Variants in CLYBL observed in about 807,000 individuals in gnomAD.
CLYBL encodes the protein citramalyl-CoA lyase.
A neutral mutation model predicts 38.9 loss-of-function variants in CLYBL; 31 were observed. The ratio of observed to expected loss-of-function variants is 0.80; its 90% CI spans 0.60 to 1.08. The LOEUF is 1.08. Among genes scored for constraint, CLYBL ranks in the 50% least tolerant of loss-of-function variants. The probability of loss-of-function intolerance (pLI) is 0.00; values close to 1 mark genes in which losing one functional copy is unlikely to be tolerated. For synonymous variants in CLYBL, 171 were observed against 158.6 expected, an observed-to-expected ratio of 1.08 and a Z score of -0.59; for missense variants, 434 against 411.6, an observed-to-expected ratio of 1.05 and a Z score of -0.47.
chr13:99,617,418 T>A (rs2046728229), intron 1 of CLYBL, among the ~76,000 whole-genome samples: 1 of 152,212 alleles, frequency 6.6e-6, no homozygotes, highest in Non-Finnish European at 1.5e-5. Context: ...AAGCATACAC[T>A]TGACTTGTCT....
At chr13:99,791,079 T>G (rs754101737) in intron 2 of CLYBL, among the ~76,000 whole-genome samples, 65 of 152,166 alleles carry the variant, frequency 4.3e-4, no homozygotes, top group Admixed American at 2.0e-4. Flanking sequence ...AAGTTAATAT[T>G]CTAGGATGTC....
intron 1 of CLYBL, among the ~76,000 whole-genome samples, chr13:99,679,815 C>T (rs1201445246): frequency 6.6e-6 from 1 of 151,822 alleles, no homozygotes; most frequent in Non-Finnish European, 1.5e-5. Context: ...TAGAAAATGC[C>T]ACAGCTGCCC....
chr13:99,803,861 T>C (rs1364696723), intron 2 of CLYBL, among the ~76,000 whole-genome samples: 1 of 152,072 alleles, frequency 6.6e-6, no homozygotes, highest in African/African-American at 2.4e-5. Context: ...AACAGTGGGG[T>C]TCGACTGCAG....
At chr13:99,612,712 A>G (rs1273977073) in intron 1 of CLYBL, among the ~76,000 whole-genome samples, 1 of 151,722 alleles carries the variant, frequency 6.6e-6, no homozygotes, top group African/African-American at 2.4e-5. Context: ...AAATATAAGC[A>G]CTCAGTAATT....
chr13:99,850,454 G>A (rs73559322), intron 2 of CLYBL, among the ~76,000 whole-genome samples: 1,749 of 152,278 alleles, frequency 0.011, 25 homozygotes, highest in Middle Eastern at 0.044. Context: ...AAAACCCATT[G>A]AGCATGCACA....
At chr13:99,654,518 C>A in intron 1 of CLYBL, among the ~76,000 whole-genome samples, 1 of 152,204 alleles carries the variant, frequency 6.6e-6, no homozygotes, top group Non-Finnish European at 1.5e-5. Flanking sequence ...TATGCTGCTT[C>A]CATTTCACCA....
chr13:99,794,733 A>C (rs1228438783), intron 2 of CLYBL, among the ~76,000 whole-genome samples: 6 of 151,890 alleles, frequency 4.0e-5, no homozygotes, highest in Non-Finnish European at 5.9e-5. Context: ...TTGGGATTAC[A>C]GGCATGTGCC....
chr13:99,884,561 C>T (rs948422765), intron 7 of CLYBL, among the ~76,000 whole-genome samples: 2 of 152,196 alleles, frequency 1.3e-5, no homozygotes, highest in African/African-American at 2.4e-5. Flanking sequence ...CGTTCTAGTT[C>T]TTAAGTAATA....
At chr13:99,774,067 C>CAAAA (rs11453486) in intron 2 of CLYBL, among the ~76,000 whole-genome samples, 52 of 143,330 alleles carry the variant, frequency 3.6e-4, no homozygotes, top group Non-Finnish European at 6.2e-4. Context: ...CCATTTCTAC[C>CAAAA]AAAAAAAAAA....
intron 2 of CLYBL, among the ~76,000 whole-genome samples, chr13:99,842,307 A>G (rs1031817665): frequency 1.3e-5 from 2 of 152,044 alleles, no homozygotes; most frequent in African/African-American, 4.8e-5. Flanking sequence ...AGGGATAGAG[A>G]GGGCACCTCT....
Position 99,663,252 on chromosome 13 carries a change from G to T in CLYBL, c.62+56495G>T, listed in dbSNP as rs533150613. Among the ~76,000 whole-genome samples, 7 of 152,316 alleles carry T rather than the reference G, an allele frequency of 4.6e-5. No homozygotes were observed. In the East Asian group the frequency reaches 1.4e-3, roughly 29 times the overall value. On this transcript the variant is annotated intron_variant, in intron 1 of 8. Transcript: ENST00000339105. Reference sequence around the variant, plus strand: ...ACAGTGTCTGAAACTGGAGCAAACAGGGCGCCGTTTGATACTAGCCCCATG... The same window carrying T: ...ACAGTGTCTGAAACTGGAGCAAACATGGCGCCGTTTGATACTAGCCCCATG...
chr13:99,662,510 CTTTTTTTTT>C (rs34634591), intron 1 of CLYBL, among the ~76,000 whole-genome samples: 1 of 122,380 alleles, frequency 8.2e-6, no homozygotes, highest in African/African-American at 3.0e-5. Context: ...ATCTTTAAAA[CTTTTTTTTT>C]TTTTTTTTTT....
intron 1 of CLYBL, among the ~76,000 whole-genome samples, chr13:99,686,676 A>G (rs1183654728): frequency 6.6e-6 from 1 of 152,218 alleles, no homozygotes; most frequent in Non-Finnish European, 1.5e-5. Flanking sequence ...TGTAAGCATT[A>G]CTTTCTCCTG....
At chr13:99,753,765 G>A (rs1244268598) in intron 1 of CLYBL, among the ~76,000 whole-genome samples, 5 of 152,140 alleles carry the variant, frequency 3.3e-5, no homozygotes. Flanking sequence ...ACTTAGTCAA[G>A]TCTGGACTGC....
chr13:99,677,280 T>C (rs1050002674), intron 1 of CLYBL, among the ~76,000 whole-genome samples: 1 of 151,092 alleles, frequency 6.6e-6, no homozygotes, highest in East Asian at 1.9e-4. Context: ...TCTTATAACC[T>C]CTCCAAGATA....
chr13:99,744,033 C>T (rs1312830915), intron 1 of CLYBL, among the ~76,000 whole-genome samples: 10 of 133,972 alleles, frequency 7.5e-5, no homozygotes, highest in Admixed American at 3.5e-4. Flanking sequence ...AATGCGGTGG[C>T]GCGATATCAG....
chr13:99,710,561 T>C (rs2048214587), intron 1 of CLYBL, among the ~76,000 whole-genome samples: 1 of 152,230 alleles, frequency 6.6e-6, no homozygotes. Flanking sequence ...AAAGGGGCTA[T>C]ATTTCCAGGG....
chr13:99,639,829 C>A (rs1207951844), intron 1 of CLYBL, among the ~76,000 whole-genome samples: 1 of 152,162 alleles, frequency 6.6e-6, no homozygotes, highest in Non-Finnish European at 1.5e-5. Flanking sequence ...CCCAGGAGTT[C>A]AAGGCTGCAG....
At chr13:99,735,781 G>GA (rs965262545) in intron 1 of CLYBL, among the ~76,000 whole-genome samples, 9 of 152,052 alleles carry the variant, frequency 5.9e-5, no homozygotes, top group Admixed American at 2.6e-4. Flanking sequence ...ATGTTAAAGA[G>GA]AAAAAAATCT....
Sources: allele counts gnomAD v4.1 joint callset (sites outside exome capture counted in the v4.1 genomes callset), GRCh38; gene constraint gnomAD v4.1.1; transcripts MANE v1.5; gene names NCBI Gene and HGNC (gene_info 2026-07-23, HGNC 2026-07-21).